The following DZANK1 variants were observed in gnomAD, a reference collection of about 807,000 sequenced individuals.
DZANK1 encodes the protein double zinc ribbon and ankyrin repeat-containing protein 1.
DZANK1 carries 91 observed loss-of-function variants against 94.5 expected under a neutral mutation model. The observed-to-expected ratio is 0.96, with a 90% CI of 0.81 to 1.15. The LOEUF (loss-of-function observed/expected upper bound fraction) is 1.15. Ranked by LOEUF, DZANK1 falls within the 50% of genes most tolerant of loss-of-function variation. The pLI, the probability that DZANK1 is intolerant of heterozygous loss-of-function variation, is 0.00. For synonymous variants in DZANK1, 312 were observed against 325.3 expected (o/e 0.96, Z 0.44); for missense variants, 903 against 916.4 (o/e 0.99, Z 0.19).
chr20:18,461,279 TTTC>T (rs2059462039), intron 2 of DZANK1, among the ~76,000 whole-genome samples: 1 of 152,234 alleles, frequency 6.6e-6, no homozygotes, highest in Non-Finnish European at 1.5e-5. Flanking sequence ...GTTCCACATA[TTTC>T]TTTTTTCATT....
At chr20:18,415,625 AT>A (rs577553066) in intron 10 of DZANK1, among the ~76,000 whole-genome samples, 176 bp from the exon 11 acceptor site, 49 of 152,292 alleles carry the variant, frequency 3.2e-4, no homozygotes, top group African/African-American at 1.2e-3. Flanking sequence ...AGTTTCACCA[AT>A]TAATAAATTA....
In DZANK1 at chr20:18,410,028, G is replaced by A. The variant is rs1053103803; in HGVS notation, c.1432+2618C>T. Among the ~76,000 whole-genome samples, 434 of 90,760 alleles carry A rather than the reference G, an allele frequency of 4.8e-3. 5 individuals carry two copies. The highest frequency in any genetic ancestry group is 0.017 in the African/African-American group (410 of 23,904). 59.5% of individuals were successfully genotyped at this position (90,760 alleles called of 152,430 possible). ...AGCCTGGGTGGCAGAGCGAGACTCC[G>A]TCTCAAAAAAAAAAAAAAAAAAAAA... On this transcript the variant is annotated intron_variant, in intron 13 of 20. Coordinates refer to ENST00000262547, the Ensembl canonical transcript of DZANK1.
exon 2 of DZANK1, chr20:18,465,340 A>G: frequency 6.2e-7 from 1 of 1,602,226 alleles, no homozygotes; most frequent in Non-Finnish European, 8.5e-7. Context: ...TGAGGGACAC[A>G]CACTGAACCA....
At chr20:18,456,815 T>TG (rs2059309578) in intron 3 of DZANK1, among the ~76,000 whole-genome samples, 1 of 152,214 alleles carries the variant, frequency 6.6e-6, no homozygotes, top group African/African-American at 2.4e-5. Context: ...CCCCAGCTGA[T>TG]GGTCATTTGG....
chr20:18,453,629 T>G, intron 5 of DZANK1, 102 bp downstream of exon 5: 1 of 809,582 alleles, frequency 1.2e-6, no homozygotes, highest in Non-Finnish European at 2.1e-6. Context: ...GTGTTTCTTA[T>G]TCCAACACTT....
At chr20:18,390,676 G>A (rs752617159) in intron 17 of DZANK1, among the ~76,000 whole-genome samples, 2 of 152,152 alleles carry the variant, frequency 1.3e-5, no homozygotes, top group Non-Finnish European at 1.5e-5. Flanking sequence ...CAAGGTTACC[G>A]CATGGACACT....
chr20:18,416,732 A>G (rs1286433908), intron 10 of DZANK1, among the ~76,000 whole-genome samples: 2 of 152,136 alleles, frequency 1.3e-5, no homozygotes, highest in African/African-American at 2.4e-5. Context: ...TAGACACCCG[A>G]GAACAGAGGG....
intron 13 of DZANK1, among the ~76,000 whole-genome samples, chr20:18,405,599 A>G (rs1272737037): frequency 6.6e-6 from 1 of 152,220 alleles, no homozygotes; most frequent in Non-Finnish European, 1.5e-5. Flanking sequence ...GAATTTATAC[A>G]TCCAAGAAGC....
chr20:18,392,570 A>G (rs1409202280), intron 17 of DZANK1, among the ~76,000 whole-genome samples: 1 of 152,244 alleles, frequency 6.6e-6, no homozygotes, highest in Non-Finnish European at 1.5e-5. Flanking sequence ...TTTGTATTGC[A>G]GCCAAGGAGG....
At chr20:18,396,491 T>C in exon 15 of DZANK1, 1 of 1,613,498 alleles carries the variant, frequency 6.2e-7, no homozygotes. Context: ...GACTTGACTA[T>C]AATTCAGTCT....
intron 4 of DZANK1, 80 bp downstream of exon 4, chr20:18,455,167 A>G (rs2059240026): frequency 8.4e-6 from 9 of 1,065,836 alleles, no homozygotes; most frequent in Admixed American, 6.7e-5. Context: ...GTAAGGTAAT[A>G]AAAGGCAAGA....
intron 3 of DZANK1, among the ~76,000 whole-genome samples, chr20:18,457,645 G>C (rs2059335613): frequency 1.3e-5 from 2 of 152,094 alleles, no homozygotes; most frequent in African/African-American, 4.8e-5. Flanking sequence ...TTATCCTCAT[G>C]GCCCAACCTG....
At position 18,443,314 on chromosome 20, in the gene DZANK1, A is replaced by G. The variant is rs1326883080; in HGVS notation, c.747+33T>C. 2.9e-6 allele frequency: 4 copies of G among 1,356,262 alleles called. No individual in the cohort carries two copies. The East Asian group carries it at 7.5e-5, about 26-fold the overall frequency. 84.0% of individuals were successfully genotyped at this position (1,356,262 alleles called of 1,614,324 possible). ...CTGCAAATAAAGATCAGATCAACCA[A>G]TGAAAGATGTTTTTAAGAATTCTGC... On this transcript the variant is annotated intron_variant, in intron 8 of 20. Transcript: ENST00000262547.
intron 13 of DZANK1, among the ~76,000 whole-genome samples, chr20:18,399,282 A>G (rs1380844614): frequency 1.3e-5 from 2 of 152,140 alleles, no homozygotes; most frequent in African/African-American, 4.8e-5. Flanking sequence ...AGGCTAGAGT[A>G]CAATGGTGTG....
chr20:18,393,630 C>G, intron 17 of DZANK1, 81 bp downstream of exon 17: 1 of 888,466 alleles, frequency 1.1e-6, no homozygotes. Flanking sequence ...AATTATTCTT[C>G]CATTTTAAAA....
rs771532583 is a variant in DZANK1, at chr20:18,453,832, G to C, written c.379-5C>G. 1.3e-6 allele frequency: 2 copies of C among 1,520,266 alleles called. No individual in the cohort carries two copies. The highest frequency in any genetic ancestry group is 1.1e-5 in the South Asian group (1 of 89,186). 94.2% of individuals were successfully genotyped at this position (1,520,266 alleles called of 1,614,324 possible). A position where few individuals can be genotyped will look rare whatever the true frequency, so the allele number is the denominator to read the frequency against. ...AACAAATCCATTTTTGAATTCCTAG[G>C]AATGAAGAGATTGCATATCAATCAC... On this transcript the variant is annotated splice_region_variant and splice_polypyrimidine_tract_variant and intron_variant, in intron 4 of 20. Coordinates refer to ENST00000262547, the Ensembl canonical transcript of DZANK1.
exon 21 of DZANK1, chr20:18,384,454 T>A (rs772737029): frequency 6.2e-7 from 1 of 1,611,866 alleles, no homozygotes; most frequent in Admixed American, 1.7e-5. Flanking sequence ...CTCAAGCCCT[T>A]GGCCAAACTT....
At chr20:18,465,188 C>T (rs1023180166) in intron 2 of DZANK1, 62 bp downstream of exon 2, 10 of 1,117,216 alleles carry the variant, frequency 9.0e-6, no homozygotes, top group Non-Finnish European at 1.2e-5. Flanking sequence ...AACCAGCAAC[C>T]AGATAACACA....
At chr20:18,464,826 C>T (rs944446019) in intron 2 of DZANK1, among the ~76,000 whole-genome samples, 2 of 151,990 alleles carry the variant, frequency 1.3e-5, no homozygotes, top group Non-Finnish European at 2.9e-5. Flanking sequence ...CAGGTGCCCA[C>T]CACCATGTCT....
Sources: allele counts gnomAD v4.1 joint callset (sites outside exome capture counted in the v4.1 genomes callset), GRCh38; gene constraint gnomAD v4.1.1; transcripts MANE v1.5; gene names NCBI Gene and HGNC (gene_info 2026-07-23, HGNC 2026-07-21).